PARVB: variants seen among roughly 807,000 people sequenced by gnomAD.
PARVB encodes the protein beta-parvin.
PARVB carries 46 observed loss-of-function variants against 47.0 expected under a neutral mutation model. The observed-to-expected ratio is 0.98, with a 90% CI of 0.77 to 1.25. PARVB has a LOEUF of 1.25. Among genes scored for constraint, PARVB ranks in the 50% most tolerant of loss-of-function variants. The probability of loss-of-function intolerance (pLI) is 0.00; values close to 1 mark genes in which losing one functional copy is unlikely to be tolerated. For missense variants in PARVB, 473 were observed against 471.6 expected (o/e 1.00, Z -0.03); for synonymous variants, 196 against 196.3 (o/e 1.00, Z 0.01).
intron 1 of PARVB, among the ~76,000 whole-genome samples, chr22:44,077,458 G>A (rs946312147): frequency 1.2e-4 from 19 of 152,198 alleles, no homozygotes; most frequent in African/African-American, 3.6e-4. Context: ...ACAGTCACAG[G>A]TGTTGGGGGC....
rs187169615 is a variant in PARVB at position 44,172,754 on chromosome 22, T to C, written c.*4076T>C. ...TTACTTTGGATTTCTGGATGTTATA[T>C]AAAAGCCACGAAAACCCTGGCCATG... On this transcript the variant is annotated 3_prime_UTR_variant, in exon 13 of 13. Coordinates refer to ENST00000338758, the MANE Select transcript of PARVB (RefSeq NM_013327.5). 3.3e-5 allele frequency: 10 copies of C among 302,618 alleles called. No individual in the cohort carries two copies. The highest frequency in any genetic ancestry group is 2.3e-4 in the African/African-American group (10 of 44,258). The allele number at this position is 302,618 out of a possible 1,614,324, so 18.7% of individuals were successfully genotyped here.
At chr22:44,072,020 G>A (rs1200782909) in intron 1 of PARVB, among the ~76,000 whole-genome samples, 3 of 152,292 alleles carry the variant, frequency 2.0e-5, no homozygotes, top group African/African-American at 7.2e-5. Flanking sequence ...AGTGGGATCT[G>A]AGACCATGAA....
At chr22:44,112,803 A>G (rs1383014928) in intron 3 of PARVB, 29 of 133,958 alleles carry the variant, frequency 2.2e-4, no homozygotes, top group Middle Eastern at 3.2e-3. Context: ...ACACAGATAC[A>G]TTGTTACTAA....
chr22:44,099,997 C>T (rs2052403247), intron 2 of PARVB, 56 bp from the exon 3 acceptor site: 1 of 1,440,782 alleles, frequency 6.9e-7, no homozygotes, highest in Admixed American at 1.7e-5. Context: ...CCCTGGTTCC[C>T]CGTGTCCCTG....
chr22:44,054,219 T>C (rs1480788583), intron 1 of PARVB, among the ~76,000 whole-genome samples: 1 of 152,124 alleles, frequency 6.6e-6, no homozygotes, highest in Admixed American at 6.6e-5. Context: ...GAGGCTAAAG[T>C]GCCCCAACAT....
intron 12 of PARVB, among the ~76,000 whole-genome samples, chr22:44,165,673 G>A (rs1163456992): frequency 2.6e-5 from 4 of 152,236 alleles, no homozygotes; most frequent in African/African-American, 9.6e-5. Flanking sequence ...GGGGTCGCTG[G>A]ATGGGGGGCG....
chr22:44,129,930 T>C (rs2053273303), intron 4 of PARVB, among the ~76,000 whole-genome samples: 1 of 152,208 alleles, frequency 6.6e-6, no homozygotes, highest in Non-Finnish European at 1.5e-5. Flanking sequence ...AACAAACGCA[T>C]GATCGAAGGG....
intron 1 of PARVB, among the ~76,000 whole-genome samples, chr22:44,053,618 A>G (rs2051252549): frequency 6.6e-6 from 1 of 152,076 alleles, no homozygotes; most frequent in Admixed American, 6.5e-5. Context: ...CCCCTAGTTC[A>G]ATTCAATTCA....
intron 3 of PARVB, chr22:44,112,819 G>A (rs2147102077): frequency 7.8e-6 from 1 of 128,964 alleles, no homozygotes; most frequent in Admixed American, 7.9e-5. Flanking sequence ...ACTAACTAAG[G>A]CCCTGCACCA....
chr22:44,069,683 C>T (rs567704692), intron 1 of PARVB, among the ~76,000 whole-genome samples: 4 of 152,184 alleles, frequency 2.6e-5, no homozygotes, highest in South Asian at 2.1e-4. Flanking sequence ...CTCCCGCCAC[C>T]GCGCCTGGCT....
chr22:44,050,985 C>T (rs936867959), intron 1 of PARVB, among the ~76,000 whole-genome samples: 2 of 152,166 alleles, frequency 1.3e-5, no homozygotes, highest in Admixed American at 6.5e-5. Context: ...CACAGGGACA[C>T]CCCTTTCAGG....
intron 3 of PARVB, chr22:44,109,465 T>C (rs1601613679): frequency 6.6e-6 from 1 of 152,362 alleles, no homozygotes; most frequent in African/African-American, 2.4e-5. Flanking sequence ...AATGAGTGCG[T>C]CCCTAAAAAT....
intron 3 of PARVB, chr22:44,109,495 A>G (rs2052642175): frequency 6.6e-6 from 1 of 152,204 alleles, no homozygotes; most frequent in Admixed American, 6.5e-5. Context: ...TGCTATCTTT[A>G]AAAAGTCTTT....
At chr22:44,108,202 T>C (rs948019772) in intron 3 of PARVB, 1 of 152,182 alleles carries the variant, frequency 6.6e-6, no homozygotes, top group Non-Finnish European at 1.5e-5. Flanking sequence ...CTAACCTTTA[T>C]AGTAAGTTGG....
chr22:44,027,156 T>A (rs1167040283), intron 1 of PARVB, among the ~76,000 whole-genome samples: 1 of 151,792 alleles, frequency 6.6e-6, no homozygotes, highest in Non-Finnish European at 1.5e-5. Context: ...CCCCCAGGGC[T>A]CCCCACAGAA....
At chr22:44,146,177 A>C (rs1415021293) in intron 8 of PARVB, 1 of 139,424 alleles carries the variant, frequency 7.2e-6, no homozygotes, top group African/African-American at 2.6e-5. Flanking sequence ...ACACGCTCAC[A>C]CCGCACACAC....
In PARVB at chr22:44,168,999, G is replaced by A. The variant is rs1859239571; in HGVS notation, c.*321G>A. On this transcript the variant is annotated 3_prime_UTR_variant, in exon 13 of 13. Transcript: ENST00000338758. ...CCGTTGTTGTCTGCCTTGGCCGAAAGATGAAAAAAAGCCTGAACCCCAACC... is the reference window on the plus strand; with the variant it reads ...CCGTTGTTGTCTGCCTTGGCCGAAAAATGAAAAAAAGCCTGAACCCCAACC... 1 of 239,774 alleles carries A rather than the reference G, an allele frequency of 4.2e-6. No homozygotes were observed. Among genetic ancestry groups the A allele is most frequent in the African/African-American group, 2.2e-5 (1 of 44,968 alleles). The allele number at this position is 239,774 out of a possible 1,614,324, so 14.9% of individuals were successfully genotyped here. A position where few individuals can be genotyped will look rare whatever the true frequency, so the allele number is the denominator to read the frequency against.
At chr22:44,096,503 T>A (rs2052311458) in intron 2 of PARVB, among the ~76,000 whole-genome samples, 1 of 152,216 alleles carries the variant, frequency 6.6e-6, no homozygotes, top group African/African-American at 2.4e-5. Context: ...ATAAATGTCA[T>A]CATTGTAGCG....
intron 1 of PARVB, among the ~76,000 whole-genome samples, chr22:44,044,284 G>C (rs1016605454): frequency 2.0e-5 from 3 of 150,356 alleles, no homozygotes; most frequent in African/African-American, 7.4e-5. Context: ...TCTGCCTCCT[G>C]GGTTCACGCC....
Sources: allele counts gnomAD v4.1 joint callset (sites outside exome capture counted in the v4.1 genomes callset), GRCh38; gene constraint gnomAD v4.1.1; transcripts MANE v1.5; gene names NCBI Gene and HGNC (gene_info 2026-07-23, HGNC 2026-07-21).